DOCK9: variants seen among roughly 807,000 people sequenced by gnomAD.
DOCK9 encodes dedicator of cytokinesis 9, also known as dedicator of cytokinesis protein 9.
A neutral mutation model predicts 263.3 loss-of-function variants in DOCK9; 89 were observed. The observed-to-expected ratio is 0.34, with a 90% CI of 0.28 to 0.40. The LOEUF is 0.40. Ranked by LOEUF, DOCK9 falls within the 10% of genes least tolerant of loss-of-function variation. The pLI, the probability that DOCK9 is intolerant of heterozygous loss-of-function variation, is 1.00. For synonymous variants in DOCK9, 976 were observed against 973.1 expected (o/e 1.00, Z -0.06); for missense variants, 2,140 against 2,603.4 (o/e 0.82, Z 3.87).
At chr13:98,999,254 A>C (rs1474083651) in intron 1 of DOCK9, among the ~76,000 whole-genome samples, 1 of 150,724 alleles carries the variant, frequency 6.6e-6, no homozygotes, top group African/African-American at 2.4e-5. Flanking sequence ...AGGTCATAGG[A>C]GCAGCTTATG....
At chr13:98,847,976 A>G (rs1007153856) in intron 37 of DOCK9, among the ~76,000 whole-genome samples, 1 of 152,204 alleles carries the variant, frequency 6.6e-6, no homozygotes, top group African/African-American at 2.4e-5. Flanking sequence ...AGTTTCTAGG[A>G]GGCTGGTTCT....
intron 48 of DOCK9, among the ~76,000 whole-genome samples, chr13:98,806,882 C>T (rs1024131704): frequency 6.6e-6 from 1 of 151,282 alleles, no homozygotes; most frequent in African/African-American, 2.4e-5. Flanking sequence ...GCACTCCAGC[C>T]CAGGTGACAG....
chr13:98,829,065 T>C lies in DOCK9; in HGVS notation c.4965+242A>G, dbSNP rs952226134. Among the ~76,000 whole-genome samples the C allele has an allele frequency of 1.2e-4, 19 of 152,224 alleles. No homozygotes were observed. The highest frequency in any genetic ancestry group is 4.3e-4 in the African/African-American group (18 of 41,464). ...TTTAATTAGCAGGAGACTGTATGAATAGGTTTAAGAGCTTAAACAATGCTC... is the reference window on the plus strand; with the variant it reads ...TTTAATTAGCAGGAGACTGTATGAACAGGTTTAAGAGCTTAAACAATGCTC... On this transcript the variant is annotated intron_variant, in intron 43 of 52. Transcript: ENST00000682017. This position sits in a 1 kb window ranked among gnomAD's most constrained non-coding sequence, Gnocchi z 4.1.
intron 1 of DOCK9, among the ~76,000 whole-genome samples, chr13:98,985,940 G>T (rs1187907836): frequency 6.6e-6 from 1 of 152,240 alleles, no homozygotes; most frequent in Non-Finnish European, 1.5e-5. Flanking sequence ...ATTTATCACA[G>T]GAGTTCACAA....
Position 98,930,181 on chromosome 13 carries a change from A to C in DOCK9, c.320T>G (p.Leu107Trp). The C allele has an allele frequency of 1.2e-6, 2 of 1,610,650 alleles. No individual in the cohort carries two copies. Among genetic ancestry groups the C allele is most frequent in the Non-Finnish European group, 8.5e-7 (1 of 1,178,418 alleles). ...PAKAEEEAQSLFVTECIKTYN... is the reference protein window; with the variant it reads ...PAKAEEEAQSWFVTECIKTYN... ...AAAGAGCCTTACCTCTGTAACAAAC[A>C]AGCTCTGTGCTTCCTCTTCCGCCTT... is the stretch of plus-strand genomic sequence containing the variant. The change falls in exon 3 of 53, where the codon TTG becomes TGG. Residue 107 changes from leucine (L) to tryptophan (W), a missense_variant. Coordinates refer to ENST00000682017, the MANE Select transcript of DOCK9 (RefSeq NM_001366683.2).
intron 1 of DOCK9, among the ~76,000 whole-genome samples, chr13:99,013,077 G>A (rs1013896686): frequency 1.3e-5 from 2 of 151,920 alleles, no homozygotes; most frequent in Non-Finnish European, 2.9e-5. Flanking sequence ...TGAATAAAGC[G>A]TACAAAAATC....
At chr13:98,890,520 TAG>T (rs2046459495) in intron 15 of DOCK9, among the ~76,000 whole-genome samples, 1 of 152,198 alleles carries the variant, frequency 6.6e-6, no homozygotes, top group South Asian at 2.1e-4. Context: ...CGATATGACT[TAG>T]TCTTAGGAAA....
chr13:98,911,633 G>C (rs2050055809), intron 9 of DOCK9, among the ~76,000 whole-genome samples: 1 of 151,732 alleles, frequency 6.6e-6, no homozygotes, highest in South Asian at 2.1e-4. Context: ...AGTGGCTCAT[G>C]CCTGTAATCT....
rs58976892 is a variant in DOCK9 at position 98,887,615 on chromosome 13, C to CAAAAA, written c.2043+538_2043+542dup. On this transcript the variant is annotated intron_variant, in intron 18 of 52. Transcript: ENST00000682017. The stretch of plus-strand genomic sequence containing the variant: ...TGGGCGACAGAGCGAGACTCCATCT[C>CAAAAA]AAAAAAAAAAAAAAAAAAAAAAAAA... Among the ~76,000 whole-genome samples, 79 of 37,220 alleles carry CAAAAA rather than the reference C, an allele frequency of 2.1e-3. 6 individuals carry two copies. The highest frequency in any genetic ancestry group is 0.036 in the Middle Eastern group (1 of 28). 24.4% of individuals were successfully genotyped at this position (37,220 alleles called of 152,430 possible).
chr13:98,845,147 C>A lies in DOCK9; in HGVS notation c.4198+777G>T, dbSNP rs372274716. ...CACTTAAATTACTAGAAACAGCACA[C>A]AATGCCTTGTCCCCTCTGCTGACTG... is the stretch of plus-strand genomic sequence containing the variant. On this transcript the variant is annotated intron_variant, in intron 38 of 52. Transcript: ENST00000682017. 8.5e-5 allele frequency among the ~76,000 whole-genome samples: 13 copies of A among 152,330 alleles called. No homozygotes were observed. In the South Asian group the frequency reaches 1.0e-3, roughly 12 times the overall value.
At chr13:98,843,139 C>CA (rs1383588334) in intron 38 of DOCK9, among the ~76,000 whole-genome samples, 1 of 152,128 alleles carries the variant, frequency 6.6e-6, no homozygotes, top group African/African-American at 2.4e-5. Context: ...ATGAACAATG[C>CA]AGATGTACAG....
chr13:99,027,031 CGTT>C (rs1208521870), intron 1 of DOCK9, among the ~76,000 whole-genome samples: 1 of 151,724 alleles, frequency 6.6e-6, no homozygotes, highest in Non-Finnish European at 1.5e-5. Flanking sequence ...TTGTTGTTGT[CGTT>C]GTTGAGACGG....
chr13:98,797,001 T>C, intron 52 of DOCK9, 114 bp downstream of exon 52: 1 of 1,128,132 alleles, frequency 8.9e-7, no homozygotes, highest in East Asian at 2.4e-5. Context: ...TATGCTACAT[T>C]CTCCTTCAGA....
chr13:98,934,161 T>C (rs749703358), intron 2 of DOCK9, among the ~76,000 whole-genome samples: 1 of 152,100 alleles, frequency 6.6e-6, no homozygotes, highest in Non-Finnish European at 1.5e-5. Flanking sequence ...CACCTCAGCC[T>C]CCCAAAGTGC....
At chr13:98,842,992 G>C (rs753131986) in intron 38 of DOCK9, among the ~76,000 whole-genome samples, 2 of 152,308 alleles carry the variant, frequency 1.3e-5, no homozygotes, top group Middle Eastern at 6.8e-3. Context: ...TGCGTGTGGT[G>C]CCTTCTTCCA....
At position 98,868,744 on chromosome 13, in the gene DOCK9, G is replaced by T. The variant is rs557115472; in HGVS notation, c.2944-367C>A. On this transcript the variant is annotated intron_variant, in intron 27 of 52. Transcript: ENST00000682017. ...ACTCCAGCCAGGGTGACAAAGCAAG[G>T]CCCAGTCTCAAAAAACCCCATAAAA... Among the ~76,000 whole-genome samples, 9 of 152,192 alleles carry T rather than the reference G, an allele frequency of 5.9e-5. No individual in the cohort carries two copies. The South Asian group carries it at 1.9e-3, about 32-fold the overall frequency.
At chr13:98,866,315 C>A (rs568545367) in intron 30 of DOCK9, among the ~76,000 whole-genome samples, 29 of 152,190 alleles carry the variant, frequency 1.9e-4, no homozygotes, top group Non-Finnish European at 4.1e-4. Flanking sequence ...ACAGTTGGTG[C>A]GGGGTAAATA....
chr13:98,807,885 C>A lies in DOCK9; in HGVS notation c.5368-78G>T. 9 of 1,250,590 alleles carry A rather than the reference C, an allele frequency of 7.2e-6. No individual in the cohort carries two copies. In the Admixed American group the frequency reaches 1.2e-4, roughly 16 times the overall value. 77.5% of individuals were successfully genotyped at this position (1,250,590 alleles called of 1,614,324 possible). Reference sequence around the variant, plus strand: ...CCACCTAGGAAGCGTTCTTTTATTACAAGGGGGAAAAAAAGGAATGGGTCT... The same window carrying A: ...CCACCTAGGAAGCGTTCTTTTATTAAAAGGGGGAAAAAAAGGAATGGGTCT... On this transcript the variant is annotated intron_variant, in intron 47 of 52. Coordinates refer to ENST00000682017, the MANE Select transcript of DOCK9 (RefSeq NM_001366683.2).
At chr13:98,993,096 T>A (rs917060649) in intron 1 of DOCK9, among the ~76,000 whole-genome samples, 1 of 152,076 alleles carries the variant, frequency 6.6e-6, no homozygotes, top group Non-Finnish European at 1.5e-5. Flanking sequence ...TAGTCAGGAG[T>A]ATGGACTCTG....
Sources: gnomAD v4.1 joint callset for allele counts (sites outside exome capture counted in the v4.1 genomes callset) on GRCh38, gnomAD v4.1.1 for gene constraint, Gnocchi (gnomAD v3.1) non-coding constraint, MANE v1.5 for transcripts, NCBI Gene and HGNC (gene_info 2026-07-23, HGNC 2026-07-21) for gene names.